The following PRORP variants were observed in gnomAD, a reference collection of about 807,000 sequenced individuals.
The protein encoded by PRORP is mitochondrial ribonuclease P catalytic subunit.
In PRORP, 51 loss-of-function variants were observed where a neutral mutation model predicts 59.4. That is an observed-to-expected ratio of 0.86 (90% CI 0.69 to 1.08). The LOEUF (loss-of-function observed/expected upper bound fraction) is 1.08. Ranked by LOEUF, PRORP falls within the 50% of genes least tolerant of loss-of-function variation. The pLI is 0.00. For synonymous variants in PRORP, 231 were observed against 245.6 expected, an observed-to-expected ratio of 0.94 and a Z score of 0.55; for missense variants, 646 against 690.3, an observed-to-expected ratio of 0.94 and a Z score of 0.72.
intron 4 of PRORP, among the ~76,000 whole-genome samples, chr14:35,176,284 A>G (rs966478805): frequency 6.6e-6 from 1 of 152,108 alleles, no homozygotes; most frequent in Non-Finnish European, 1.5e-5. Context: ...GAAGAAAGTC[A>G]TTGGTAGCTT....
intron 4 of PRORP, among the ~76,000 whole-genome samples, chr14:35,145,792 T>C (rs2047592735): frequency 8.3e-6 from 1 of 120,368 alleles, no homozygotes; most frequent in South Asian, 2.8e-4. Flanking sequence ...TTTTGAACTT[T>C]AATTTTATTT....
At chr14:35,170,469 A>G (rs11851344) in intron 4 of PRORP, among the ~76,000 whole-genome samples, 28,027 of 152,060 alleles carry the variant, frequency 0.18, 2,831 homozygotes, top group Admixed American at 0.27. Flanking sequence ...TGGGCTTTAC[A>G]ATCTGAATCC....
At chr14:35,244,333 C>T (rs536334291) in intron 5 of PRORP, among the ~76,000 whole-genome samples, 1 of 152,204 alleles carries the variant, frequency 6.6e-6, no homozygotes, top group East Asian at 1.9e-4. Context: ...GTGTTACATA[C>T]ATAATATGAG....
At chr14:35,268,834 T>A (rs1461525884) in intron 6 of PRORP, among the ~76,000 whole-genome samples, 1 of 152,182 alleles carries the variant, frequency 6.6e-6, no homozygotes, top group Non-Finnish European at 1.5e-5. Context: ...GACCTCATGA[T>A]CCACCCACCT....
intron 5 of PRORP, among the ~76,000 whole-genome samples, chr14:35,188,300 C>T (rs1406653043): frequency 1.3e-5 from 2 of 150,340 alleles, no homozygotes; most frequent in Non-Finnish European, 2.9e-5. Flanking sequence ...AAGCGATTCT[C>T]CTGCCTTAGC....
chr14:35,256,011 C>T (rs1486051662), intron 5 of PRORP, among the ~76,000 whole-genome samples: 4 of 151,738 alleles, frequency 2.6e-5, no homozygotes, highest in Non-Finnish European at 5.9e-5. Context: ...TCAGGCTGGG[C>T]GCAGTGGTTC....
At chr14:35,191,526 A>AC in intron 5 of PRORP, among the ~76,000 whole-genome samples, 1 of 152,152 alleles carries the variant, frequency 6.6e-6, no homozygotes, top group East Asian at 1.9e-4. Flanking sequence ...ACATAGCGAG[A>AC]CCCCATCTCT....
Position 35,124,268 on chromosome 14 carries a change from T to G in PRORP, c.986+37T>G, listed in dbSNP as rs769151036. The G allele has an allele frequency of 1.3e-5, 18 of 1,400,690 alleles. No homozygotes were observed. The African/African-American group carries it at 2.5e-4, about 19-fold the overall frequency. 86.8% of individuals were successfully genotyped at this position (1,400,690 alleles called of 1,614,324 possible). ...TTTTTTATATGTATGTTTTTATTCT[T>G]TAATTTTTTTTTTTTTTGAGACAGG... On this transcript the variant is annotated intron_variant, in intron 2 of 7. Transcript: ENST00000534898.
chr14:35,210,686 C>T (rs909433902), intron 5 of PRORP, among the ~76,000 whole-genome samples: 7 of 144,770 alleles, frequency 4.8e-5, no homozygotes, highest in East Asian at 2.1e-4. Flanking sequence ...ATTTAGATAT[C>T]GGGAATACTA....
intron 5 of PRORP, among the ~76,000 whole-genome samples, chr14:35,222,989 T>C (rs1047630751): frequency 6.6e-6 from 1 of 152,218 alleles, no homozygotes; most frequent in Admixed American, 6.5e-5. Context: ...GAATTACCTA[T>C]CCTACCTCTG....
chr14:35,217,157 A>G (rs112661234), intron 5 of PRORP, among the ~76,000 whole-genome samples: 9 of 152,024 alleles, frequency 5.9e-5, no homozygotes, highest in African/African-American at 2.4e-5. Context: ...ATGATGTCCA[A>G]TCTATTTTTT....
chr14:35,225,497 C>T (rs2049911012), intron 5 of PRORP, among the ~76,000 whole-genome samples: 1 of 152,076 alleles, frequency 6.6e-6, no homozygotes, highest in Non-Finnish European at 1.5e-5. Context: ...CAGGTGTCCA[C>T]CACCATGCTC....
In PRORP at chr14:35,141,725, C is replaced by A. The variant is rs531190785; in HGVS notation, c.1167+14114C>A. Reference sequence around the variant, plus strand: ...TCCTCCATGATTATTAACTCATGACCACTTTTTTTTTGACAGGGTCTTGCT... The same window carrying A: ...TCCTCCATGATTATTAACTCATGACAACTTTTTTTTTGACAGGGTCTTGCT... On this transcript the variant is annotated intron_variant, in intron 4 of 7. Transcript: ENST00000534898. Among the ~76,000 whole-genome samples, 23 of 145,238 alleles carry A rather than the reference C, an allele frequency of 1.6e-4. 3 individuals carry two copies. In the East Asian group the frequency reaches 5.4e-3, roughly 34 times the overall value.
chr14:35,125,086 A>T (rs2138769135), intron 2 of PRORP, among the ~76,000 whole-genome samples: 1 of 152,018 alleles, frequency 6.6e-6, no homozygotes, highest in East Asian at 1.9e-4. Context: ...GCTGCTCTCG[A>T]ACTACCTCAG....
In PRORP at chr14:35,270,680, A is replaced by G. The variant is rs918341448; in HGVS notation, c.1620+84A>G. ...GCATAGAAAAAGAGTGTCACAACTA[A>G]TTGAAGGTTGCAAATGCTTTATTTT... On this transcript the variant is annotated intron_variant, in intron 7 of 7. Coordinates refer to ENST00000534898, the MANE Select transcript of PRORP (RefSeq NM_014672.4). 16 of 1,244,496 alleles carry G rather than the reference A, an allele frequency of 1.3e-5. No individual in the cohort carries two copies. The South Asian group carries it at 1.8e-4, about 14-fold the overall frequency. 77.1% of individuals were successfully genotyped at this position (1,244,496 alleles called of 1,614,324 possible).
intron 4 of PRORP, among the ~76,000 whole-genome samples, chr14:35,170,201 AC>A (rs1248548391): frequency 1.6e-4 from 24 of 152,186 alleles, no homozygotes; most frequent in Non-Finnish European, 2.6e-4. Context: ...AAAGATAAGT[AC>A]ATCTATTATA....
chr14:35,272,648 C>T (rs1440015075), intron 7 of PRORP, among the ~76,000 whole-genome samples: 1 of 152,138 alleles, frequency 6.6e-6, no homozygotes, highest in African/African-American at 2.4e-5. Context: ...GAAGAAATTA[C>T]ATATCTGAGA....
intron 2 of PRORP, 88 bp from the exon 3 acceptor site, chr14:35,126,647 C>A: frequency 9.9e-7 from 1 of 1,012,286 alleles, no homozygotes; most frequent in South Asian, 1.5e-5. Context: ...GGACTTCTTG[C>A]TTATAAGAGT....
Position 35,180,278 on chromosome 14 carries a change from C to T in PRORP, c.1168-392C>T, listed in dbSNP as rs570198889. On this transcript the variant is annotated intron_variant, in intron 4 of 7. Transcript: ENST00000534898. ...TGCAGAAATCACCCATCTTCCGCAT[C>T]GCTCACGCTGGGAGCCGTGGACTGG... 2.0e-4 allele frequency among the ~76,000 whole-genome samples: 30 copies of T among 152,288 alleles called. 2 individuals are homozygous for T. In the East Asian group the frequency reaches 4.6e-3, roughly 24 times the overall value.
Sources: gnomAD v4.1 joint callset for allele counts (sites outside exome capture counted in the v4.1 genomes callset) on GRCh38, gnomAD v4.1.1 for gene constraint, MANE v1.5 for transcripts, NCBI Gene and HGNC (gene_info 2026-07-23, HGNC 2026-07-21) for gene names.